ANO6: variants seen among roughly 807,000 people sequenced by gnomAD.
The protein encoded by ANO6 is anoctamin 6.
ANO6 carries 106 observed loss-of-function variants against 117.5 expected under a neutral mutation model. The ratio of observed to expected loss-of-function variants is 0.90; its 90% CI spans 0.77 to 1.06. The LOEUF is 1.06. Among genes scored for constraint, ANO6 ranks in the 50% least tolerant of loss-of-function variants. The pLI is 0.00. For synonymous variants in ANO6, 367 were observed against 385.1 expected (o/e 0.95, Z 0.55); for missense variants, 955 against 1,121.1 (o/e 0.85, Z 2.12).
In ANO6 at chr12:45,431,301, G is replaced by A. The variant is rs1943626792; in HGVS notation, c.*1990G>A. The A allele has an allele frequency of 1.0e-6, 1 of 985,272 alleles. No homozygotes were observed. The highest frequency in any genetic ancestry group is 6.1e-5 in the Admixed American group (1 of 16,264). 61.0% of individuals were successfully genotyped at this position (985,272 alleles called of 1,614,324 possible). ...TCTTCACTCCTGAGATACTGCTTCTGGAAGCGGGTGTCACTTCCTCTCTAG... is the reference window on the plus strand; with the variant it reads ...TCTTCACTCCTGAGATACTGCTTCTAGAAGCGGGTGTCACTTCCTCTCTAG... On this transcript the variant is annotated 3_prime_UTR_variant, in exon 20 of 20. Transcript: ENST00000320560.
At chr12:45,352,484 T>C (rs984776663) in intron 7 of ANO6, among the ~76,000 whole-genome samples, 3 of 150,378 alleles carry the variant, frequency 2.0e-5, no homozygotes, top group Non-Finnish European at 2.9e-5. Flanking sequence ...CCCAGCACTT[T>C]AGGAAGCCAA....
chr12:45,281,807 ATT>A (rs1938746192), intron 1 of ANO6, among the ~76,000 whole-genome samples: 1 of 152,222 alleles, frequency 6.6e-6, no homozygotes, highest in Non-Finnish European at 1.5e-5. Flanking sequence ...ATGGGAAGCT[ATT>A]AAAGTATTTA....
At chr12:45,294,997 G>A (rs1452704825) in intron 1 of ANO6, among the ~76,000 whole-genome samples, 1 of 152,156 alleles carries the variant, frequency 6.6e-6, no homozygotes, top group Non-Finnish European at 1.5e-5. Flanking sequence ...ATTCTCCACA[G>A]TAACCTTCTG....
chr12:45,423,044 T>TC lies in ANO6; in HGVS notation c.2508_2509insC (p.Phe837LeufsTer44). The TC allele has an allele frequency of 6.2e-7, 1 of 1,613,062 alleles. No individual in the cohort carries two copies. Among genetic ancestry groups the TC allele is most frequent in the Non-Finnish European group, 8.5e-7 (1 of 1,178,984 alleles). On this transcript the variant is annotated frameshift_variant, in exon 19 of 20. Transcript: ENST00000320560. LOFTEE classifies it high-confidence loss of function. Reference sequence around the variant, plus strand: ...GGCATGTGATTGCAGCCAAGCTGGCTTTTATCATTGTCATGGAGGTAGGAA... The same window carrying TC: ...GGCATGTGATTGCAGCCAAGCTGGCTCTTTATCATTGTCATGGAGGTAGGAA...
chr12:45,334,878 TTCTTCC>T (rs1486589861), intron 3 of ANO6, among the ~76,000 whole-genome samples: 1 of 152,068 alleles, frequency 6.6e-6, no homozygotes, highest in African/African-American at 2.4e-5. Context: ...AATTGCTGCT[TTCTTCC>T]AGAACTGCTA....
chr12:45,311,292 A>T (rs966132601), intron 2 of ANO6, among the ~76,000 whole-genome samples: 4 of 152,098 alleles, frequency 2.6e-5, no homozygotes, highest in African/African-American at 9.7e-5. Flanking sequence ...ATAGCCTAAG[A>T]GCAGAGAGTA....
intron 2 of ANO6, among the ~76,000 whole-genome samples, chr12:45,305,861 A>G (rs1939651892): frequency 6.6e-6 from 1 of 152,132 alleles, no homozygotes; most frequent in South Asian, 2.1e-4. Flanking sequence ...AGGGGCAGTC[A>G]TGGCGGGCCC....
intron 2 of ANO6, among the ~76,000 whole-genome samples, chr12:45,324,725 T>A (rs1940403783): frequency 6.6e-6 from 1 of 152,262 alleles, no homozygotes; most frequent in Non-Finnish European, 1.5e-5. Flanking sequence ...GATTGTAACA[T>A]TAAGGGAAGC....
chr12:45,263,828 C>G (rs1468677965), intron 1 of ANO6, among the ~76,000 whole-genome samples: 1 of 152,156 alleles, frequency 6.6e-6, no homozygotes, highest in Non-Finnish European at 1.5e-5. Flanking sequence ...TGCTTTAGGG[C>G]TGTGTTCACT....
intron 12 of ANO6, among the ~76,000 whole-genome samples, chr12:45,395,449 C>T (rs1942583782): frequency 6.6e-6 from 1 of 152,190 alleles, no homozygotes; most frequent in African/African-American, 2.4e-5. Context: ...TGACACCATT[C>T]CAATCAATAG....
Position 45,229,364 on chromosome 12 carries a change from A to C in ANO6, c.70+12973A>C, listed in dbSNP as rs182385551. 6.5e-3 allele frequency among the ~76,000 whole-genome samples: 970 copies of C among 148,548 alleles called. 12 individuals carry two copies. The highest frequency in any genetic ancestry group is 0.022 in the African/African-American group (903 of 40,476). ...TTTTCTTATTCTTGGGCTGTCTATC[A>C]ATCTCCTCAGTTTTTTTTATTTTTA... On this transcript the variant is annotated intron_variant, in intron 1 of 19. Coordinates refer to ENST00000320560, the MANE Select transcript of ANO6 (RefSeq NM_001025356.3).
At chr12:45,334,176 T>C (rs1940758415) in intron 3 of ANO6, among the ~76,000 whole-genome samples, 2 of 152,092 alleles carry the variant, frequency 1.3e-5, no homozygotes, top group African/African-American at 4.8e-5. Context: ...AGATTTTACA[T>C]GAGGATGATT....
At chr12:45,247,818 C>T (rs908659215) in intron 1 of ANO6, among the ~76,000 whole-genome samples, 1 of 152,190 alleles carries the variant, frequency 6.6e-6, no homozygotes, top group Non-Finnish European at 1.5e-5. Context: ...CATCTAATCC[C>T]AATGACCTTC....
intron 16 of ANO6, among the ~76,000 whole-genome samples, chr12:45,415,457 G>A (rs556000969): frequency 2.0e-5 from 3 of 152,310 alleles, no homozygotes; most frequent in African/African-American, 4.8e-5. Flanking sequence ...TAGGACACAC[G>A]CTTGCTAGTT....
chr12:45,261,760 G>C (rs1938043023), intron 1 of ANO6, among the ~76,000 whole-genome samples: 2 of 152,210 alleles, frequency 1.3e-5, no homozygotes, highest in African/African-American at 4.8e-5. Flanking sequence ...GATCCAGTTG[G>C]TCACTTGTGT....
At chr12:45,277,484 C>T (rs957577032) in intron 1 of ANO6, among the ~76,000 whole-genome samples, 7 of 152,108 alleles carry the variant, frequency 4.6e-5, no homozygotes, top group Admixed American at 1.3e-4. Context: ...AGACCTCAGC[C>T]GAGTGAGGGA....
At chr12:45,251,596 C>T (rs566512063) in intron 1 of ANO6, among the ~76,000 whole-genome samples, 14 of 152,228 alleles carry the variant, frequency 9.2e-5, no homozygotes, top group African/African-American at 3.4e-4. Flanking sequence ...ACTAATGTTC[C>T]AGTGAAGAAG....
intron 9 of ANO6, among the ~76,000 whole-genome samples, chr12:45,368,788 C>T (rs1028032281): frequency 3.3e-5 from 5 of 152,170 alleles, no homozygotes; most frequent in Admixed American, 6.5e-5. Context: ...CAGATTTTAA[C>T]GGAATGTATT....
At chr12:45,278,905 T>TC (rs1252688248) in intron 1 of ANO6, among the ~76,000 whole-genome samples, 2 of 152,144 alleles carry the variant, frequency 1.3e-5, no homozygotes, top group African/African-American at 2.4e-5. Flanking sequence ...TTTTAGGCCG[T>TC]CCCTCCACCC....
Sources: gnomAD v4.1 joint callset for allele counts (sites outside exome capture counted in the v4.1 genomes callset) on GRCh38, gnomAD v4.1.1 for gene constraint, MANE v1.5 for transcripts, NCBI Gene and HGNC (gene_info 2026-07-23, HGNC 2026-07-21) for gene names.